AXL: variants seen among roughly 807,000 people sequenced by gnomAD.
The protein encoded by AXL is tyrosine-protein kinase receptor UFO.
Under a neutral mutation model 104.5 loss-of-function variants are expected in AXL, and 52 were observed. The observed-to-expected ratio is 0.50, with a 90% CI of 0.40 to 0.63. AXL has a LOEUF of 0.63. Ranked by LOEUF, AXL falls within the 20% of genes least tolerant of loss-of-function variation. AXL has a pLI of 0.00. For missense variants in AXL, 1,024 were observed against 1,188.5 expected, an observed-to-expected ratio of 0.86 and a Z score of 2.04; for synonymous variants, 455 against 473.7, an observed-to-expected ratio of 0.96 and a Z score of 0.51.
Position 41,252,335 on chromosome 19 carries a change from TTCTC to T in AXL, c.1712-11_1712-8del. ...TCTCCTCCCCTCCTCCTCACGACCT[TTCTC>T]TCTCCCTCAAGTTGCCATCTGCACG... On this transcript the variant is annotated splice_polypyrimidine_tract_variant and intron_variant, in intron 14 of 19. Transcript: ENST00000301178. 6.2e-7 allele frequency: 1 copy of T among 1,612,216 alleles called. No individual in the cohort carries two copies. The highest frequency in any genetic ancestry group is 8.5e-7 in the Non-Finnish European group (1 of 1,178,782).
At chr19:41,245,232 C>T (rs1326053720) in intron 12 of AXL, among the ~76,000 whole-genome samples, 1 of 152,170 alleles carries the variant, frequency 6.6e-6, no homozygotes, top group African/African-American at 2.4e-5. Flanking sequence ...ATACTCTGAA[C>T]TGCCACACTC....
In AXL at chr19:41,243,652, G is replaced by A; in HGVS notation, c.1482G>A (p.Leu494=). 1 of 1,614,084 alleles carries A rather than the reference G, an allele frequency of 6.2e-7. No individual in the cohort carries two copies. Among genetic ancestry groups the A allele is most frequent in the Non-Finnish European group, 8.5e-7 (1 of 1,179,998 alleles). The stretch of plus-strand genomic sequence containing the variant: ...AACCAACAGTGGAAAGAGGTGAACT[G>A]GTAGTCAGGTACCGCGTGCGCAAGT... ...VFEPTVERGE[L]VVRYRVRKSY... The change falls in exon 12 of 20, where the codon CTG becomes CTA. Residue 494 remains leucine (L), a synonymous_variant. Coordinates refer to ENST00000301178, the MANE Select transcript of AXL (RefSeq NM_021913.5).
In AXL at chr19:41,261,371, T is replaced by C. The variant is rs1298111786; in HGVS notation, c.*1467T>C. The C allele has an allele frequency of 5.2e-5, 8 of 152,650 alleles. No homozygotes were observed. The highest frequency in any genetic ancestry group is 1.0e-4 in the Non-Finnish European group (7 of 68,030). The allele number at this position is 152,650 out of a possible 1,614,324, so 9.5% of individuals were successfully genotyped here. ...GCTGCATTCTGCCTCTCTAGGACCA[T>C]GGTTAAGAGTCCAAGAATCCACATT... On this transcript the variant is annotated 3_prime_UTR_variant, in exon 20 of 20. Coordinates refer to ENST00000301178, the MANE Select transcript of AXL (RefSeq NM_021913.5).
chr19:41,233,903 TC>T (rs2034037154), intron 6 of AXL, among the ~76,000 whole-genome samples: 1 of 151,948 alleles, frequency 6.6e-6, no homozygotes, highest in Non-Finnish European at 1.5e-5. Context: ...AGGTCTCACT[TC>T]CTGCTGCACA....
chr19:41,242,623 C>T (rs559146430), intron 10 of AXL, among the ~76,000 whole-genome samples: 101 of 152,274 alleles, frequency 6.6e-4, no homozygotes, highest in African/African-American at 2.4e-3. Context: ...AGCCACCACA[C>T]CTGGCCTCCA....
intron 12 of AXL, among the ~76,000 whole-genome samples, chr19:41,244,935 T>C (rs1302230477): frequency 7.3e-5 from 4 of 55,042 alleles, no homozygotes; most frequent in African/African-American, 5.5e-4. Context: ...GTCTATACTA[T>C]TTTTTTTTTT....
At chr19:41,250,199 T>C (rs1356925619) in intron 14 of AXL, among the ~76,000 whole-genome samples, 1 of 152,208 alleles carries the variant, frequency 6.6e-6, no homozygotes, top group African/African-American at 2.4e-5. Flanking sequence ...AGTAGGACTA[T>C]ATTATTTCCA....
At chr19:41,240,162 T>A (rs924378127) in intron 10 of AXL, among the ~76,000 whole-genome samples, 7 of 149,446 alleles carry the variant, frequency 4.7e-5, no homozygotes, top group Admixed American at 6.7e-5. Context: ...GATAGGTGGG[T>A]GAACAGATAA....
Position 41,219,335 on chromosome 19 carries a change from C to T in AXL, c.-58C>T, listed in dbSNP as rs373496065. The T allele has an allele frequency of 2.8e-5, 43 of 1,515,316 alleles. No homozygotes were observed. The highest frequency in any genetic ancestry group is 1.8e-4 in the Admixed American group (9 of 49,640). 93.9% of individuals were successfully genotyped at this position (1,515,316 alleles called of 1,614,324 possible). The stretch of plus-strand genomic sequence containing the variant: ...GCTGGGGGGAGGGCCGGGGACAGCC[C>T]GGCCCTGCCCCCTCCCCCGCTGGGA... On this transcript the variant is annotated 5_prime_UTR_variant, in exon 1 of 20. Coordinates refer to ENST00000301178, the MANE Select transcript of AXL (RefSeq NM_021913.5).
rs1024475352 is a variant in AXL, at chr19:41,251,426, G to A, written c.1712-925G>A. Among the ~76,000 whole-genome samples, 12 of 152,178 alleles carry A rather than the reference G, an allele frequency of 7.9e-5. No homozygotes were observed. In the South Asian group the frequency reaches 1.2e-3, roughly 16 times the overall value. On this transcript the variant is annotated intron_variant, in intron 14 of 19. Coordinates refer to ENST00000301178, the MANE Select transcript of AXL (RefSeq NM_021913.5). The stretch of plus-strand genomic sequence containing the variant: ...AAAATACAAAAATTAGCTGGGCATG[G>A]TGGTGCATGCCTGTAATCCCAGCTA...
intron 14 of AXL, 112 bp from the exon 15 acceptor site, chr19:41,252,239 A>T: frequency 2.2e-6 from 2 of 890,802 alleles, no homozygotes; most frequent in Non-Finnish European, 3.6e-6. Flanking sequence ...CTTACTAATC[A>T]TGTTTGATGA....
At chr19:41,253,743 G>A (rs2122281244) in intron 17 of AXL, 35 bp downstream of exon 17, 17 of 1,494,450 alleles carry the variant, frequency 1.1e-5, no homozygotes, top group Non-Finnish European at 1.6e-5. Flanking sequence ...CCCCCCAACT[G>A]CTCCTGCACT....
intron 4 of AXL, among the ~76,000 whole-genome samples, chr19:41,226,119 G>A (rs1239736205): frequency 1.3e-5 from 2 of 152,232 alleles, no homozygotes; most frequent in Non-Finnish European, 2.9e-5. Flanking sequence ...TGGGGCCTGG[G>A]AAGGGGGATC....
intron 3 of AXL, 143 bp from the exon 4 acceptor site, chr19:41,221,737 A>G: frequency 2.4e-6 from 2 of 833,674 alleles, no homozygotes; most frequent in Non-Finnish European, 1.8e-6. Context: ...GGTATGGCTC[A>G]GGTGCCCTCG....
At chr19:41,221,606 T>G (rs2033792351) in intron 3 of AXL, 1 of 514,268 alleles carries the variant, frequency 1.9e-6, no homozygotes, top group Non-Finnish European at 3.4e-6. Flanking sequence ...CTCTTTTTTC[T>G]CATCCATAGA....
chr19:41,226,501 G>C (rs1188823512), intron 4 of AXL, among the ~76,000 whole-genome samples: 1 of 152,202 alleles, frequency 6.6e-6, no homozygotes, highest in Non-Finnish European at 1.5e-5. Context: ...CGACTGAGGA[G>C]CTCCCCTACC....
In AXL at chr19:41,259,558, C is replaced by A. The variant is rs745407942; in HGVS notation, c.2339C>A (p.Ala780Asp). Residue 780 changes from alanine to aspartate, a missense_variant, in exon 20 of 20, where the codon GCC (alanine) becomes GAC (aspartate). By Grantham distance (126) the Ala-to-Asp change is moderately radical (BLOSUM62 -2). Transcript: ENST00000301178. ...QPADCLDGLY[A>D]LMSRCWELNP... The stretch of plus-strand genomic sequence containing the variant: ...CCCTCATTTTGCTGCCCTAGGTATG[C>A]CTTGATGTCGCGGTGCTGGGAGCTA... 1 of 1,599,834 alleles carries A rather than the reference C, an allele frequency of 6.3e-7. No homozygotes were observed. The highest frequency in any genetic ancestry group is 8.5e-7 in the Non-Finnish European group (1 of 1,172,166).
chr19:41,253,727 C>A lies in AXL; in HGVS notation c.2036+19C>A, dbSNP rs754357485. ...ACTGCATGTGAGTGCCTTTCAGGGA[C>A]CCCCCCCCCCCAACTGCTCCTGCAC... On this transcript the variant is annotated intron_variant, in intron 17 of 19. Transcript: ENST00000301178. 8.7e-5 allele frequency: 6 copies of A among 68,604 alleles called. No homozygotes were observed. In the South Asian group the frequency reaches 1.0e-3, roughly 12 times the overall value. The allele number at this position is 68,604 out of a possible 1,614,324, so 4.2% of individuals were successfully genotyped here.
At chr19:41,245,441 C>T (rs776547289) in intron 12 of AXL, among the ~76,000 whole-genome samples, 24 of 151,916 alleles carry the variant, frequency 1.6e-4, no homozygotes, top group African/African-American at 3.9e-4. Flanking sequence ...TCTGTTCTTT[C>T]GGCTGGGTGC....
Sources: gnomAD v4.1 joint callset for allele counts (sites outside exome capture counted in the v4.1 genomes callset) on GRCh38, gnomAD v4.1.1 for gene constraint, MANE v1.5 for transcripts, NCBI Gene and HGNC (gene_info 2026-07-23, HGNC 2026-07-21) for gene names.